COG4: variants seen among roughly 807,000 people sequenced by gnomAD.
COG4 encodes conserved oligomeric Golgi complex subunit 4.
Under a neutral mutation model 95.1 loss-of-function variants are expected in COG4, and 65 were observed. The observed-to-expected ratio is 0.68, with a 90% CI of 0.56 to 0.84. The LOEUF (loss-of-function observed/expected upper bound fraction) is 0.84. Among genes scored for constraint, COG4 ranks in the 40% least tolerant of loss-of-function variants. The pLI is 0.00. For synonymous variants in COG4, 421 were observed against 374.8 expected (o/e 1.12, Z -1.42); for missense variants, 1,045 against 989.1 (o/e 1.06, Z -0.76).
chr16:70,491,824 C>CAAAA (rs772831502), intron 12 of COG4, among the ~76,000 whole-genome samples: 2 of 59,336 alleles, frequency 3.4e-5, no homozygotes, highest in African/African-American at 8.6e-5. Flanking sequence ...AACTACGTCT[C>CAAAA]AAAAAAAAAA....
Position 70,517,721 on chromosome 16 carries a change from C to G in COG4, c.274G>C (p.Glu92Gln), listed in dbSNP as rs2049853543. ...HRMGPNLQLI[E>Q]GDAKQLAGMI... ...CCAGCCAGCTGCTTTGCATCTCCCT[C>G]AATCAGCTGCAGATTAGGACTGGAG... The change falls in exon 3 of 19, where the codon GAG becomes CAG. Residue 92 changes from glutamate to glutamine, a missense_variant. Coordinates refer to ENST00000323786, the MANE Select transcript of COG4 (RefSeq NM_015386.3). 10 of 1,611,242 alleles carry G rather than the reference C, an allele frequency of 6.2e-6. No individual in the cohort carries two copies. In the East Asian group the frequency reaches 2.2e-4, roughly 36 times the overall value.
At position 70,480,761 on chromosome 16, in the gene COG4, C is replaced by T. The variant is rs1023753371; in HGVS notation, c.*249G>A. On this transcript the variant is annotated 3_prime_UTR_variant, in exon 19 of 19. Transcript: ENST00000323786. Reference sequence around the variant, plus strand: ...CTGGCCTGGGCTGCTCGCTGCCTGCCGTGGCTTTCCCACCTCATTAGGAGC... The same window carrying T: ...CTGGCCTGGGCTGCTCGCTGCCTGCTGTGGCTTTCCCACCTCATTAGGAGC... The T allele has an allele frequency of 4.8e-5, 26 of 539,198 alleles. No homozygotes were observed. Among genetic ancestry groups the T allele is most frequent in the East Asian group, 6.5e-5 (2 of 30,838 alleles). 33.4% of individuals were successfully genotyped at this position (539,198 alleles called of 1,614,324 possible).
chr16:70,496,437 G>C lies in COG4; in HGVS notation c.1482-6C>G. ...GCTTATTACACAGAACATCCCTGGG[G>C]GGCAGGATTGCATAGAGGAATTGAC... On this transcript the variant is annotated splice_polypyrimidine_tract_variant and splice_region_variant and intron_variant, in intron 11 of 18. Coordinates refer to ENST00000323786, the MANE Select transcript of COG4 (RefSeq NM_015386.3). 2.5e-6 allele frequency: 4 copies of C among 1,614,052 alleles called. No homozygotes were observed. Among genetic ancestry groups the C allele is most frequent in the Non-Finnish European group, 3.4e-6 (4 of 1,179,998 alleles).
intron 18 of COG4, 38 bp from the exon 19 acceptor site, chr16:70,481,182 GGT>G: frequency 6.2e-7 from 1 of 1,613,038 alleles, no homozygotes; most frequent in Non-Finnish European, 8.5e-7. Flanking sequence ...AGCAAGGTGG[GGT>G]TATTCTGAAA....
At chr16:70,515,115 A>C (rs1261225122) in intron 3 of COG4, among the ~76,000 whole-genome samples, 1 of 151,354 alleles carries the variant, frequency 6.6e-6, no homozygotes. Flanking sequence ...TCCTGGGTTC[A>C]AGCAATCCTC....
chr16:70,509,276 C>T lies in COG4; in HGVS notation c.957G>A (p.Glu319=), dbSNP rs1170133355. The T allele has an allele frequency of 6.2e-7, 1 of 1,614,102 alleles. No homozygotes were observed. The highest frequency in any genetic ancestry group is 1.3e-5 in the African/African-American group (1 of 74,924). ...YLQVECDRQV[E]KVVDKFIKQR... is the part of the protein sequence containing the mutation. ...GCTTGATGAACTTGTCTACCACCTTCTCCACCTGTCTGTCACATTCCACCT... is the reference window on the plus strand; with the variant it reads ...GCTTGATGAACTTGTCTACCACCTTTTCCACCTGTCTGTCACATTCCACCT... The change falls in exon 7 of 19, where the codon GAG becomes GAA. Residue 319 remains glutamate, a synonymous_variant. Coordinates refer to ENST00000323786, the MANE Select transcript of COG4 (RefSeq NM_015386.3).
At chr16:70,499,040 ACT>A (rs960395180) in intron 9 of COG4, among the ~76,000 whole-genome samples, 8 of 152,262 alleles carry the variant, frequency 5.3e-5, no homozygotes, top group Non-Finnish European at 1.0e-4. Context: ...ACACAGCAAT[ACT>A]CTGTCTCTAC....
rs755986066 is a variant in COG4 at position 70,501,343 on chromosome 16, T to C, written c.1062-252A>G. ...CAGACCTAAATAAAAGGTTGGGAGA[T>C]GTGTCTTCTTTTCTTTACTTTTTTT... is the stretch of plus-strand genomic sequence containing the variant. On this transcript the variant is annotated intron_variant, in intron 8 of 18. Transcript: ENST00000323786. 104 of 514,804 alleles carry C rather than the reference T, an allele frequency of 2.0e-4. No homozygotes were observed. In the Admixed American group the frequency reaches 2.1e-3, roughly 10 times the overall value. The allele number at this position is 514,804 out of a possible 1,614,324, so 31.9% of individuals were successfully genotyped here. A position where few individuals can be genotyped will look rare whatever the true frequency, so the allele number is the denominator to read the frequency against.
rs1174472309 is a variant in COG4 at position 70,482,788 on chromosome 16, T to C, written c.1861A>G (p.Lys621Glu). The C allele has an allele frequency of 3.1e-6, 5 of 1,613,910 alleles. No homozygotes were observed. The highest frequency in any genetic ancestry group is 2.2e-5 in the East Asian group (1 of 44,876). ...TTGATCCAAGGCTGCACCTGTGGCT[T>C]GATGGCTGTGCTGTTGAGCTCCGTC... ...GLTELNSTAIKPQVQPWINSF... is the reference protein window; with the variant it reads ...GLTELNSTAIEPQVQPWINSF... The change falls in exon 15 of 19, where the codon AAG becomes GAG. Residue 621 changes from lysine to glutamate, a missense_variant. Lys to Glu is a moderately conservative substitution (Grantham distance 56). Coordinates refer to ENST00000323786, the MANE Select transcript of COG4 (RefSeq NM_015386.3).
chr16:70,496,529 G>A (rs567643441), intron 11 of COG4, 98 bp from the exon 12 acceptor site: 1 of 1,241,466 alleles, frequency 8.1e-7, no homozygotes, highest in South Asian at 1.2e-5. Flanking sequence ...AGCACAAGGT[G>A]CTCTTTTAGG....
In COG4 at chr16:70,497,937, C is replaced by G; in HGVS notation, c.1314G>C (p.Lys438Asn). ...CCAAGAGATGCGTCCTATGTCCTACCTTATTGACAGTCTCCCTCATGAAGT... is the reference window on the plus strand; with the variant it reads ...CCAAGAGATGCGTCCTATGTCCTACGTTATTGACAGTCTCCCTCATGAAGT... ...EEYFMRETVN[K>N]AVALDTYEKG... is the part of the protein sequence containing the mutation. Residue 438 changes from lysine to asparagine, a missense_variant and splice_region_variant, in exon 10 of 19, where the codon AAG becomes AAC. Lys to Asn is a moderately conservative substitution (Grantham distance 94). Transcript: ENST00000323786. 3.2e-6 allele frequency: 5 copies of G among 1,551,824 alleles called. No homozygotes were observed. Among genetic ancestry groups the G allele is most frequent in the Middle Eastern group, 1.7e-4 (1 of 5,930 alleles).
At chr16:70,482,475 T>A (rs2049018896) in intron 15 of COG4, 1 of 598,174 alleles carries the variant, frequency 1.7e-6, no homozygotes, top group Non-Finnish European at 2.9e-6. Flanking sequence ...CGCTTCTAAG[T>A]CTATCATAGG....
intron 8 of COG4, among the ~76,000 whole-genome samples, chr16:70,503,280 G>A (rs559273084): frequency 6.6e-6 from 1 of 152,260 alleles, no homozygotes; most frequent in South Asian, 2.1e-4. Flanking sequence ...TCAAACTCCT[G>A]GGCTCAAGTG....
At chr16:70,509,679 A>C (rs563068774) in intron 6 of COG4, among the ~76,000 whole-genome samples, 1 of 152,300 alleles carries the variant, frequency 6.6e-6, no homozygotes, top group Admixed American at 6.5e-5. Flanking sequence ...TTTAGGGTTA[A>C]ATTTATTCGT....
intron 8 of COG4, among the ~76,000 whole-genome samples, chr16:70,504,287 T>C (rs1323864948): frequency 2.0e-5 from 3 of 152,062 alleles, no homozygotes; most frequent in African/African-American, 7.2e-5. Flanking sequence ...TTACAATGCG[T>C]AGAACAGTCC....
chr16:70,497,621 A>C (rs1468266313), intron 10 of COG4, among the ~76,000 whole-genome samples: 1 of 152,168 alleles, frequency 6.6e-6, no homozygotes, highest in East Asian at 1.9e-4. Context: ...GGGGAGTGTA[A>C]GATATCTGCA....
At chr16:70,490,595 G>A (rs1006382815) in intron 12 of COG4, among the ~76,000 whole-genome samples, 1 of 152,192 alleles carries the variant, frequency 6.6e-6, no homozygotes, top group Non-Finnish European at 1.5e-5. Flanking sequence ...AAGCAGGCTC[G>A]CCCTTTCTTC....
chr16:70,503,646 G>A (rs1210284906), intron 8 of COG4, among the ~76,000 whole-genome samples: 1 of 120,102 alleles, frequency 8.3e-6, no homozygotes, highest in Middle Eastern at 3.6e-3. Flanking sequence ...CCAGGCTGGA[G>A]TGCAGTGGCG....
intron 9 of COG4, among the ~76,000 whole-genome samples, chr16:70,499,124 T>C (rs891153184): frequency 7.2e-5 from 11 of 152,162 alleles, no homozygotes; most frequent in African/African-American, 2.7e-4. Flanking sequence ...CCATTAGCCA[T>C]GTTAGCGATT....
Sources: gnomAD v4.1 joint callset for allele counts (sites outside exome capture counted in the v4.1 genomes callset) on GRCh38, gnomAD v4.1.1 for gene constraint, MANE v1.5 for transcripts, NCBI Gene and HGNC (gene_info 2026-07-23, HGNC 2026-07-21) for gene names.